NDST3: variants seen among roughly 807,000 people sequenced by gnomAD.
NDST3 encodes N-deacetylase and N-sulfotransferase 3.
In NDST3, 58 loss-of-function variants were observed where a neutral mutation model predicts 96.1. That is an observed-to-expected ratio of 0.60 (90% confidence interval 0.49 to 0.75). The LOEUF is 0.75. Among genes scored for constraint, NDST3 ranks in the 30% least tolerant of loss-of-function variants. The pLI is 0.00. For missense variants in NDST3, 788 were observed against 1,034.2 expected (o/e 0.76, Z 3.27); for synonymous variants, 333 against 359.7 (o/e 0.93, Z 0.84).
chr4:118,228,668 T>C (rs2125997360), intron 8 of NDST3, among the ~76,000 whole-genome samples: 1 of 152,366 alleles, frequency 6.6e-6, no homozygotes, highest in South Asian at 2.1e-4. Context: ...CACACAGTTA[T>C]GTCCACCACC....
chr4:118,244,712 A>G (rs1741204503), intron 12 of NDST3, among the ~76,000 whole-genome samples: 1 of 150,900 alleles, frequency 6.6e-6, no homozygotes, highest in African/African-American at 2.5e-5. Context: ...TTCAGCATCA[A>G]AACTATTTTC....
intron 6 of NDST3, among the ~76,000 whole-genome samples, chr4:118,178,709 T>C (rs536881071): frequency 6.6e-6 from 1 of 152,072 alleles, no homozygotes; most frequent in African/African-American, 2.4e-5. Context: ...AGAAGCAGAA[T>C]TGCTGGATCA....
chr4:118,074,082 T>G (rs770854639), intron 2 of NDST3, among the ~76,000 whole-genome samples: 1 of 152,162 alleles, frequency 6.6e-6, no homozygotes, highest in African/African-American at 2.4e-5. Flanking sequence ...AATTGTATGG[T>G]TTTGAATGAT....
intron 7 of NDST3, 23 bp from the exon 8 acceptor site, chr4:118,226,863 C>T (rs1316258501): frequency 6.4e-7 from 1 of 1,551,240 alleles, no homozygotes; most frequent in African/African-American, 1.4e-5. Context: ...AAAAATACAT[C>T]TCTATGTTCT....
At chr4:118,177,997 G>A (rs1736379221) in intron 6 of NDST3, among the ~76,000 whole-genome samples, 1 of 151,686 alleles carries the variant, frequency 6.6e-6, no homozygotes, top group African/African-American at 2.4e-5. Flanking sequence ...TAAGTTGAAT[G>A]AGTAACTAAT....
At chr4:118,068,985 G>C (rs937753251) in intron 2 of NDST3, among the ~76,000 whole-genome samples, 2 of 152,056 alleles carry the variant, frequency 1.3e-5, no homozygotes, top group African/African-American at 4.8e-5. Flanking sequence ...GATCAATATA[G>C]TGCATTTTAC....
intron 6 of NDST3, among the ~76,000 whole-genome samples, chr4:118,147,617 G>A (rs911170543): frequency 1.4e-4 from 21 of 152,094 alleles, no homozygotes; most frequent in East Asian, 7.7e-4. Context: ...TATATATGAC[G>A]TATATACTTA....
intron 7 of NDST3, among the ~76,000 whole-genome samples, chr4:118,226,394 G>A (rs971758152): frequency 2.6e-5 from 4 of 151,964 alleles, no homozygotes; most frequent in Admixed American, 1.3e-4. Flanking sequence ...AACCTTTGAC[G>A]GCAGCTGAGA....
chr4:118,188,786 T>C (rs145351252), intron 6 of NDST3, among the ~76,000 whole-genome samples: 3 of 152,246 alleles, frequency 2.0e-5, no homozygotes, highest in African/African-American at 7.2e-5. Context: ...CTTTGAATCC[T>C]TTCATGAACC....
chr4:118,128,303 A>G (rs1732296383), intron 4 of NDST3, among the ~76,000 whole-genome samples: 1 of 152,042 alleles, frequency 6.6e-6, no homozygotes. Context: ...CCAATTCAGT[A>G]TGACACCAGC....
At chr4:118,216,924 A>C (rs577630228) in intron 6 of NDST3, among the ~76,000 whole-genome samples, 1 of 152,242 alleles carries the variant, frequency 6.6e-6, no homozygotes, top group Admixed American at 6.5e-5. Flanking sequence ...CAGACAGTTC[A>C]GAGAATAAAG....
At chr4:118,199,719 T>C (rs527935286) in intron 6 of NDST3, among the ~76,000 whole-genome samples, 1 of 152,292 alleles carries the variant, frequency 6.6e-6, no homozygotes, top group Admixed American at 6.5e-5. Context: ...GCTTTCCAGA[T>C]ATTCAAAAGG....
chr4:118,176,713 C>G (rs1736301707), intron 6 of NDST3, among the ~76,000 whole-genome samples: 1 of 152,022 alleles, frequency 6.6e-6, no homozygotes, highest in African/African-American at 2.4e-5. Flanking sequence ...ATGAGACACC[C>G]ACTACACTAA....
intron 2 of NDST3, among the ~76,000 whole-genome samples, chr4:118,093,231 CAT>C (rs1208149038): frequency 6.6e-6 from 1 of 151,744 alleles, no homozygotes; most frequent in Non-Finnish European, 1.5e-5. Context: ...ATTTTTTATA[CAT>C]ATGTTTATCG....
chr4:118,126,054 T>C (rs1732034415), intron 4 of NDST3, among the ~76,000 whole-genome samples: 1 of 151,942 alleles, frequency 6.6e-6, no homozygotes, highest in Admixed American at 6.6e-5. Context: ...GTGCCAGAGG[T>C]TCCACAGGTT....
chr4:118,140,569 C>T (rs1475133543), intron 5 of NDST3, among the ~76,000 whole-genome samples: 1 of 152,146 alleles, frequency 6.6e-6, no homozygotes, highest in East Asian at 1.9e-4. Flanking sequence ...TCTCACATTG[C>T]TATGAGTAAA....
chr4:118,222,730 T>C (rs764216946), intron 6 of NDST3, among the ~76,000 whole-genome samples: 61 of 152,034 alleles, frequency 4.0e-4, no homozygotes, highest in Non-Finnish European at 6.6e-4. Flanking sequence ...TGAAAAGCAA[T>C]GTTCTTTACT....
chr4:118,119,342 T>A (rs190365833), intron 4 of NDST3, among the ~76,000 whole-genome samples: 11 of 152,338 alleles, frequency 7.2e-5, no homozygotes, highest in Admixed American at 2.6e-4. Flanking sequence ...TATATGACAA[T>A]CTTTTAATTA....
chr4:118,115,358 A>G (rs1365187167), intron 4 of NDST3, among the ~76,000 whole-genome samples: 1 of 152,256 alleles, frequency 6.6e-6, no homozygotes, highest in Non-Finnish European at 1.5e-5. Context: ...CCCACAGTTC[A>G]AAGAAATAAG....
Sources: gnomAD v4.1 joint callset for allele counts (sites outside exome capture counted in the v4.1 genomes callset) on GRCh38, gnomAD v4.1.1 for gene constraint, MANE v1.5 for transcripts, NCBI Gene and HGNC (gene_info 2026-07-23, HGNC 2026-07-21) for gene names.